TRPM4: variants seen among roughly 807,000 people sequenced by gnomAD.
TRPM4 encodes the protein transient receptor potential cation channel subfamily M member 4.
In TRPM4, 124 loss-of-function variants were observed where a neutral mutation model predicts 135.6. The observed-to-expected ratio is 0.91, with a 90% confidence interval of 0.79 to 1.06. TRPM4 has a LOEUF of 1.06. TRPM4 is among the 50% of genes least tolerant of loss of function. The pLI, the probability that TRPM4 is intolerant of heterozygous loss-of-function variation, is 0.00. For missense variants in TRPM4, 1,658 were observed against 1,671.4 expected, an observed-to-expected ratio of 0.99 and a Z score of 0.14; for synonymous variants, 745 against 705.6, an observed-to-expected ratio of 1.06 and a Z score of -0.88.
intron 20 of TRPM4, among the ~76,000 whole-genome samples, chr19:49,205,042 G>A (rs1223591290): frequency 9.6e-6 from 1 of 104,532 alleles, no homozygotes; most frequent in Non-Finnish European, 1.8e-5. Context: ...GGCTGATCTT[G>A]AACCCCTGGG....
At chr19:49,177,280 T>C (rs1047692593) in intron 9 of TRPM4, among the ~76,000 whole-genome samples, 4 of 150,176 alleles carry the variant, frequency 2.7e-5, no homozygotes, top group African/African-American at 9.8e-5. Flanking sequence ...GATAGCAGAG[T>C]TGAATGGATG....
chr19:49,208,415 G>A (rs1239714475), intron 20 of TRPM4, among the ~76,000 whole-genome samples: 4 of 152,164 alleles, frequency 2.6e-5, no homozygotes, highest in Middle Eastern at 3.4e-3. Context: ...ACCACGGTCC[G>A]CTTGGTAACG....
chr19:49,203,194 T>G (rs1969008145), intron 20 of TRPM4, among the ~76,000 whole-genome samples: 1 of 146,836 alleles, frequency 6.8e-6, no homozygotes, highest in Non-Finnish European at 1.5e-5. Context: ...CCCCGCCTTT[T>G]TTTGAGATGG....
At chr19:49,159,795 T>A (rs1466728292) in intron 2 of TRPM4, 1 of 152,246 alleles carries the variant, frequency 6.6e-6, no homozygotes, top group Non-Finnish European at 1.5e-5. Flanking sequence ...CTAGTTGTTT[T>A]TCAAGACAGT....
In TRPM4 at chr19:49,168,754, TGACCCACAACCCAC is replaced by T. The variant is rs749421618; in HGVS notation, c.796+30_796+43del. The T allele has an allele frequency of 1.1e-5, 18 of 1,576,430 alleles. No homozygotes were observed. Among genetic ancestry groups the T allele is most frequent in the Non-Finnish European group, 1.5e-5 (18 of 1,162,054 alleles). On this transcript the variant is annotated intron_variant, in intron 6 of 24. Coordinates refer to ENST00000252826, the MANE Select transcript of TRPM4 (RefSeq NM_017636.4). ...CGTGGGAGGTGAGTGGTCGAACCCATGACCCACAACCCACGACCCACAACCTGCAACCCCAGCGC... is the reference window on the plus strand; with the variant it reads ...CGTGGGAGGTGAGTGGTCGAACCCATGACCCACAACCTGCAACCCCAGCGC...
chr19:49,160,880 G>A (rs1158680162), intron 2 of TRPM4, among the ~76,000 whole-genome samples: 2 of 152,070 alleles, frequency 1.3e-5, no homozygotes, highest in Non-Finnish European at 2.9e-5. Context: ...AAAGACTCAG[G>A]GGGCAGGAAG....
At chr19:49,172,524 C>T (rs1437182420) in intron 9 of TRPM4, among the ~76,000 whole-genome samples, 1 of 151,222 alleles carries the variant, frequency 6.6e-6, no homozygotes, top group Non-Finnish European at 1.5e-5. Context: ...ATCCACACAT[C>T]CACTGACAAT....
rs761013435 is a variant in TRPM4, at chr19:49,171,631, AG to A, written c.917del (p.Gly306GlufsTer50). 1.9e-6 allele frequency: 3 copies of A among 1,613,820 alleles called. No homozygotes were observed. The highest frequency in any genetic ancestry group is 2.5e-6 in the Non-Finnish European group (3 of 1,179,960). ...QLPCLLVAGS[G>X]GAADCLAETL... Reference sequence around the variant, plus strand: ...TCCCATGTCTCCTCGTGGCTGGCTCAGGGGGAGCTGCGGACTGCCTGGCGGA... The same window carrying A: ...TCCCATGTCTCCTCGTGGCTGGCTCAGGGGAGCTGCGGACTGCCTGGCGGA... On this transcript the variant is annotated frameshift_variant, in exon 8 of 25. Coordinates refer to ENST00000252826, the MANE Select transcript of TRPM4 (RefSeq NM_017636.4). LOFTEE classifies it high-confidence loss of function. This position sits in a 1 kb window ranked among gnomAD's most constrained non-coding sequence, Gnocchi z 4.7.
At chr19:49,165,444 T>C (rs1967133380) in intron 2 of TRPM4, among the ~76,000 whole-genome samples, 3 of 152,170 alleles carry the variant, frequency 2.0e-5, no homozygotes, top group Non-Finnish European at 4.4e-5. Flanking sequence ...TTCAAGGTTA[T>C]TTTAAGCTCC....
intron 19 of TRPM4, 51 bp from the exon 20 acceptor site, chr19:49,201,913 T>G: frequency 6.2e-7 from 1 of 1,601,414 alleles, no homozygotes; most frequent in Non-Finnish European, 8.5e-7. Flanking sequence ...CTTCCTGTCT[T>G]TCTTAGGTCT....
chr19:49,196,711 G>A lies in TRPM4; in HGVS notation c.2482G>A (p.Glu828Lys). Residue 828 changes from glutamate to lysine, a missense_variant, in exon 17 of 25, where the codon GAA becomes AAA. By Grantham distance (56) the Glu-to-Lys change is moderately conservative. Around this residue, in one of 3 missense-constraint regions of TRPM4, gnomAD observed 1,412 missense variants for 1,408.7 expected, o/e 1.00. Coordinates refer to ENST00000252826, the MANE Select transcript of TRPM4 (RefSeq NM_017636.4). Reference sequence around the variant, plus strand: ...CTGGGCTTTCACGCTGCTGTGCGAGGAACTGCGCCAGGGCCTGAGCGGAGG... The same window carrying A: ...CTGGGCTTTCACGCTGCTGTGCGAGAAACTGCGCCAGGGCCTGAGCGGAGG... ...YFWAFTLLCE[E>K]LRQGLSGGGG... 1 of 1,552,536 alleles carries A rather than the reference G, an allele frequency of 6.4e-7. No homozygotes were observed. The highest frequency in any genetic ancestry group is 2.4e-5 in the East Asian group (1 of 41,972).
At chr19:49,161,591 A>T (rs1316134083) in intron 2 of TRPM4, among the ~76,000 whole-genome samples, 2 of 150,676 alleles carry the variant, frequency 1.3e-5, no homozygotes, top group Non-Finnish European at 2.9e-5. Context: ...TCTGCCTGCC[A>T]AAGTGCTGGA....
intron 20 of TRPM4, among the ~76,000 whole-genome samples, chr19:49,207,491 G>A (rs111463422): frequency 0.055 from 8,337 of 151,580 alleles, 687 homozygotes; most frequent in African/African-American, 0.17. Context: ...TTTGCCAGGC[G>A]TGGTGGTGCA....
Position 49,210,710 on chromosome 19 carries a change from G to T in TRPM4, c.3329G>T (p.Arg1110Leu). 2 of 1,614,160 alleles carry T rather than the reference G, an allele frequency of 1.2e-6. No homozygotes were observed. Among genetic ancestry groups the T allele is most frequent in the East Asian group, 4.5e-5 (2 of 44,886 alleles). Residue 1110 changes from arginine (R) to leucine (L), a missense_variant and splice_region_variant, in exon 22 of 25, where the codon CGG becomes CTG. By Grantham distance (102) the Arg-to-Leu change is moderately radical. Coordinates refer to ENST00000252826, the MANE Select transcript of TRPM4 (RefSeq NM_017636.4). This position sits in a 1 kb window ranked among gnomAD's most constrained non-coding sequence, Gnocchi z 4.1. Reference protein sequence around the residue: ...QPSSPALEHFRVYLSKEAERK... With the variant: ...QPSSPALEHFLVYLSKEAERK... ...CCTTTGACTCCGCCCGCCCCTGCAG[G>T]GGTTTACCTTTCTAAGGAAGCCGAG...
At chr19:49,184,452 CTTTTTTTTTTTTT>C (rs67748057) in intron 12 of TRPM4, among the ~76,000 whole-genome samples, 6 of 45,508 alleles carry the variant, frequency 1.3e-4, no homozygotes, top group African/African-American at 2.1e-4. Context: ...TCTCTGTAGT[CTTTTTTTTTTTTT>C]TTTTTTTTTT....
At chr19:49,160,262 G>A (rs1600385467) in intron 2 of TRPM4, among the ~76,000 whole-genome samples, 1 of 152,158 alleles carries the variant, frequency 6.6e-6, no homozygotes, top group East Asian at 1.9e-4. Context: ...AGGCCGAGGC[G>A]GGTGGATCAC....
intron 12 of TRPM4, among the ~76,000 whole-genome samples, chr19:49,187,502 G>T (rs983497314): frequency 1.3e-5 from 2 of 150,952 alleles, no homozygotes; most frequent in Non-Finnish European, 2.9e-5. Flanking sequence ...AGACCACCAC[G>T]CCTGGCTAAC....
At chr19:49,175,067 CTTTTTTTTTTTTT>C (rs772062913) in intron 9 of TRPM4, among the ~76,000 whole-genome samples, 1 of 77,596 alleles carries the variant, frequency 1.3e-5, no homozygotes, top group Admixed American at 1.5e-4. Context: ...TCATGCCTGG[CTTTTTTTTTTTTT>C]TTTTTTTTTT....
intron 12 of TRPM4, among the ~76,000 whole-genome samples, chr19:49,186,873 CAAAAAA>C (rs552909059): frequency 0.017 from 1,983 of 113,912 alleles, 44 homozygotes; most frequent in African/African-American, 0.06. Flanking sequence ...AACTCCGTCT[CAAAAAA>C]AAAAAAAAAG....
Sources: allele counts gnomAD v4.1 joint callset (sites outside exome capture counted in the v4.1 genomes callset), GRCh38; gene constraint gnomAD v4.1.1; regional missense constraint gnomAD v4.1.1; non-coding constraint Gnocchi (gnomAD v3.1); transcripts MANE v1.5; gene names NCBI Gene and HGNC (gene_info 2026-07-23, HGNC 2026-07-21).